The following CRB1 variants were observed in gnomAD, a reference collection of about 807,000 sequenced individuals.
CRB1 encodes the protein protein crumbs homolog 1.
A neutral mutation model predicts 120.0 loss-of-function variants in CRB1; 83 were observed. The observed-to-expected ratio is 0.69, with a 90% CI of 0.58 to 0.83. CRB1 has a LOEUF of 0.83. Among genes scored for constraint, CRB1 ranks in the 40% least tolerant of loss-of-function variants. CRB1 has a pLI of 0.00. For missense variants in CRB1, 1,699 were observed against 1,687.6 expected, an observed-to-expected ratio of 1.01 and a Z score of -0.12; for synonymous variants, 625 against 612.5, an observed-to-expected ratio of 1.02 and a Z score of -0.30.
At chr1:197,390,156 G>C (rs946693766) in intron 5 of CRB1, among the ~76,000 whole-genome samples, 3 of 132,042 alleles carry the variant, frequency 2.3e-5, no homozygotes, top group Non-Finnish European at 3.2e-5. Flanking sequence ...ATAGGAAGAA[G>C]AGCCCAGAGA....
intron 1 of CRB1, among the ~76,000 whole-genome samples, chr1:197,309,746 A>G (rs1188169234): frequency 1.4e-5 from 2 of 146,968 alleles, no homozygotes; most frequent in African/African-American, 5.0e-5. Flanking sequence ...GAGCAAGACT[A>G]CATCTCAAAA....
chr1:197,457,553 A>G lies in CRB1; in HGVS notation c.4005+15261A>G, dbSNP rs543723819. Among the ~76,000 whole-genome samples, 33 of 152,252 alleles carry G rather than the reference A, an allele frequency of 2.2e-4. 1 individual carries two copies. The highest frequency in any genetic ancestry group is 6.7e-4 in the African/African-American group (28 of 41,558). ...TGGAGAAAATGTCTTGTTTATCTTT[A>G]TAACTTCAGTACCTGGCAATCATTC... On this transcript the variant is annotated intron_variant, in intron 11 of 11. Transcript: ENST00000367400.
At chr1:197,353,003 T>A (rs1396282858) in intron 4 of CRB1, among the ~76,000 whole-genome samples, 1 of 152,196 alleles carries the variant, frequency 6.6e-6, no homozygotes, top group Non-Finnish European at 1.5e-5. Flanking sequence ...TACATATTGC[T>A]CAGTCCTGGA....
chr1:197,421,611 G>T lies in CRB1; in HGVS notation c.1783G>T (p.Ala595Ser), dbSNP rs752212470. ...CTGTAAGGAGAAATGCATCGCGAAA[G>T]CTCCTACTCCACTTGAAAGTGATCA... ...DSCKEKCIAK[A>S]PTPLESDQSI... Residue 595 changes from alanine to serine, a missense_variant, in exon 6 of 12, where the codon GCT becomes TCT. Ala to Ser is a moderately conservative substitution (Grantham distance 99, BLOSUM62 1). Coordinates refer to ENST00000367400, the MANE Select transcript of CRB1 (RefSeq NM_201253.3). 1.2e-6 allele frequency: 2 copies of T among 1,614,176 alleles called. No individual in the cohort carries two copies. Among genetic ancestry groups the T allele is most frequent in the African/African-American group, 1.3e-5 (1 of 75,046 alleles).
chr1:197,408,157 T>C (rs1341630777), intron 5 of CRB1, among the ~76,000 whole-genome samples: 1 of 152,076 alleles, frequency 6.6e-6, no homozygotes, highest in Non-Finnish European at 1.5e-5. Context: ...CTGTGCTGGG[T>C]TCCATATGGA....
chr1:197,385,336 CAAATG>C (rs1228951585), intron 5 of CRB1, among the ~76,000 whole-genome samples: 2 of 152,072 alleles, frequency 1.3e-5, no homozygotes, highest in Non-Finnish European at 2.9e-5. Flanking sequence ...TGTAAATAGA[CAAATG>C]AGGCATTTCT....
rs1414707912 is a variant in CRB1, at chr1:197,435,345, A to G, written c.3482A>G (p.Tyr1161Cys). The change falls in exon 9 of 12, where the codon TAT becomes TGT. Residue 1161 changes from tyrosine (Y) to cysteine (C), a missense_variant. Transcript: ENST00000367400. ...AACTGTGAAGACATCTATAGCTCTT[A>G]TCATTGCTCCTGTCCCTTGGGATGG... is the stretch of plus-strand genomic sequence containing the variant. ...GGNCEDIYSS[Y>C]HCSCPLGWSG... is the part of the protein sequence containing the mutation. 1.2e-6 allele frequency: 2 copies of G among 1,613,668 alleles called. No homozygotes were observed. Among genetic ancestry groups the G allele is most frequent in the Non-Finnish European group, 1.7e-6 (2 of 1,179,770 alleles).
At chr1:197,436,726 T>C (rs926032411) in intron 9 of CRB1, among the ~76,000 whole-genome samples, 4 of 152,138 alleles carry the variant, frequency 2.6e-5, no homozygotes, top group East Asian at 1.9e-4. Context: ...TTTGTATGGC[T>C]CACTACAGAT....
At chr1:197,340,143 A>G (rs1659367484) in intron 2 of CRB1, among the ~76,000 whole-genome samples, 1 of 152,228 alleles carries the variant, frequency 6.6e-6, no homozygotes, top group Non-Finnish European at 1.5e-5. Flanking sequence ...GGGAATTTTG[A>G]GAGCACAGTG....
intron 5 of CRB1, among the ~76,000 whole-genome samples, chr1:197,383,997 G>A (rs903151337): frequency 6.6e-6 from 1 of 152,174 alleles, no homozygotes; most frequent in Non-Finnish European, 1.5e-5. Context: ...TACAACCTGA[G>A]GGCCTTGGGC....
Position 197,421,922 on chromosome 1 carries a change from C to T in CRB1, c.2094C>T (p.Cys698=). The T allele has an allele frequency of 6.2e-7, 1 of 1,614,098 alleles. No individual in the cohort carries two copies. Among genetic ancestry groups the T allele is most frequent in the African/African-American group, 1.3e-5 (1 of 75,030 alleles). ...INLWLSYQCD[C]HRPYEGPNCL... ...TGTGGCTGAGTTACCAGTGTGACTG[C>T]CACAGGCCCTATGAAGGCCCCAACT... The change falls in exon 6 of 12, where the codon TGC becomes TGT. Residue 698 remains cysteine, a synonymous_variant. Coordinates refer to ENST00000367400, the MANE Select transcript of CRB1 (RefSeq NM_201253.3).
the CRB1 span, among the ~76,000 whole-genome samples, chr1:197,246,829 G>A: frequency 6.6e-6 from 1 of 152,028 alleles, no homozygotes; most frequent in South Asian, 2.1e-4. Context: ...AGCTGTATCA[G>A]AGAGTCTATG....
chr1:197,310,999 A>C (rs1245661642), intron 1 of CRB1, among the ~76,000 whole-genome samples: 3 of 152,210 alleles, frequency 2.0e-5, no homozygotes, highest in African/African-American at 7.2e-5. Context: ...TCTGACATAG[A>C]AATTTCCGAT....
intron 11 of CRB1, among the ~76,000 whole-genome samples, chr1:197,458,030 A>G (rs1666360979): frequency 6.6e-6 from 1 of 152,112 alleles, no homozygotes; most frequent in Non-Finnish European, 1.5e-5. Context: ...AGAGTAGAAA[A>G]GGGAAATTCT....
intron 5 of CRB1, among the ~76,000 whole-genome samples, chr1:197,403,486 T>C (rs1374422189): frequency 2.0e-5 from 3 of 152,190 alleles, no homozygotes; most frequent in Non-Finnish European, 2.9e-5. Context: ...AGGAAGCATG[T>C]AGATAGAGTG....
At chr1:197,420,000 C>CAAAAAAAAAAAAAA (rs200847709) in intron 5 of CRB1, among the ~76,000 whole-genome samples, 1 of 140,100 alleles carries the variant, frequency 7.1e-6, no homozygotes, top group Non-Finnish European at 1.5e-5. Flanking sequence ...AAAAAAAAAA[C>CAAAAAAAAAAAAAA]AAACAAAAAA....
intron 2 of CRB1, among the ~76,000 whole-genome samples, chr1:197,332,089 G>A (rs1438582840): frequency 1.3e-5 from 2 of 152,186 alleles, no homozygotes; most frequent in Middle Eastern, 3.4e-3. Context: ...GCAGTGAGCT[G>A]AGATTGTGCC....
intron 11 of CRB1, 63 bp from the exon 12 acceptor site, chr1:197,477,601 T>C: frequency 4.7e-6 from 7 of 1,498,612 alleles, no homozygotes; most frequent in Non-Finnish European, 6.5e-6. Flanking sequence ...GTAGTTCCAT[T>C]GTCCTGAATA....
At chr1:197,213,065 C>G in the CRB1 span, among the ~76,000 whole-genome samples, 1 of 152,044 alleles carries the variant, frequency 6.6e-6, no homozygotes, top group Non-Finnish European at 1.5e-5. Flanking sequence ...AAACAAACTT[C>G]TAAATAACAG....
Sources: gnomAD v4.1 joint callset for allele counts (sites outside exome capture counted in the v4.1 genomes callset) on GRCh38, gnomAD v4.1.1 for gene constraint, MANE v1.5 for transcripts, NCBI Gene and HGNC (gene_info 2026-07-23, HGNC 2026-07-21) for gene names.